MEOX2: variants seen among roughly 807,000 people sequenced by gnomAD.
MEOX2 encodes the protein homeobox protein MOX-2.
A neutral mutation model predicts 27.0 loss-of-function variants in MEOX2; 11 were observed. That is an observed-to-expected ratio of 0.41 (90% CI 0.26 to 0.68). The LOEUF (loss-of-function observed/expected upper bound fraction) is 0.68. Ranked by LOEUF, MEOX2 falls within the 30% of genes least tolerant of loss-of-function variation. The probability of loss-of-function intolerance (pLI) is 0.33; values close to 1 mark genes in which losing one functional copy is unlikely to be tolerated. For missense variants in MEOX2, 436 were observed against 385.4 expected (o/e 1.13, Z -1.10); for synonymous variants, 189 against 155.4 (o/e 1.22, Z -1.61).
intron 1 of MEOX2, among the ~76,000 whole-genome samples, chr7:15,630,755 G>T (rs186142209): frequency 6.6e-6 from 1 of 152,044 alleles, no homozygotes; most frequent in Non-Finnish European, 1.5e-5. Context: ...CATAGGGATT[G>T]TGGATGGAGT....
At chr7:15,639,230 G>A (rs374915337) in intron 1 of MEOX2, among the ~76,000 whole-genome samples, 1 of 152,048 alleles carries the variant, frequency 6.6e-6, no homozygotes, top group Admixed American at 6.6e-5. Context: ...GATGATTTGT[G>A]ATGTTGAGCA....
intron 1 of MEOX2, chr7:15,681,518 TC>T (rs1782291644): frequency 6.6e-6 from 1 of 151,764 alleles, no homozygotes; most frequent in Non-Finnish European, 1.5e-5. Flanking sequence ...GGAATTCACC[TC>T]CCAAATTTCT....
chr7:15,663,770 G>C (rs1231491947), intron 1 of MEOX2, among the ~76,000 whole-genome samples: 3 of 152,202 alleles, frequency 2.0e-5, no homozygotes, highest in Non-Finnish European at 4.4e-5. Flanking sequence ...CATTTAAAGA[G>C]AGAGATGGGC....
rs58017084 is a variant in MEOX2 at position 15,663,008 on chromosome 7, T to C, written c.517+22878A>G. Among the ~76,000 whole-genome samples, 1,228 of 152,184 alleles carry C rather than the reference T, an allele frequency of 8.1e-3. 25 individuals are homozygous for C. The highest frequency in any genetic ancestry group is 0.028 in the African/African-American group (1,152 of 41,516). The stretch of plus-strand genomic sequence containing the variant: ...ACCATTTTATCAAATAATTCAAGGA[T>C]GTAAGTAGCATGAAATATACTAACA... On this transcript the variant is annotated intron_variant, in intron 1 of 2. Coordinates refer to ENST00000262041, the MANE Select transcript of MEOX2 (RefSeq NM_005924.5).
At chr7:15,659,463 A>G (rs1399740226) in intron 1 of MEOX2, among the ~76,000 whole-genome samples, 1 of 152,244 alleles carries the variant, frequency 6.6e-6, no homozygotes, top group East Asian at 1.9e-4. Flanking sequence ...AATTTTAAGC[A>G]CTTGAAAGCA....
intron 1 of MEOX2, among the ~76,000 whole-genome samples, chr7:15,652,319 T>G (rs1011775904): frequency 1.3e-5 from 2 of 152,056 alleles, no homozygotes; most frequent in African/African-American, 4.8e-5. Flanking sequence ...TTTTGAATAC[T>G]CTCATTAAGT....
intron 1 of MEOX2, among the ~76,000 whole-genome samples, chr7:15,649,979 A>G (rs1013786854): frequency 6.6e-6 from 1 of 152,076 alleles, no homozygotes; most frequent in African/African-American, 2.4e-5. Flanking sequence ...CCACAAAGCA[A>G]TTTGGTCCAA....
intron 2 of MEOX2, among the ~76,000 whole-genome samples, chr7:15,620,536 G>A (rs1250817677): frequency 6.6e-6 from 1 of 151,998 alleles, no homozygotes; most frequent in Non-Finnish European, 1.5e-5. Context: ...TCAAGCCACT[G>A]CACTCCAGCC....
At chr7:15,672,647 C>G (rs1372342267) in intron 1 of MEOX2, among the ~76,000 whole-genome samples, 1 of 152,082 alleles carries the variant, frequency 6.6e-6, no homozygotes, top group Non-Finnish European at 1.5e-5. Flanking sequence ...AATCCCAACA[C>G]TTTGGGAGGC....
rs1455251011 is a variant in MEOX2, at chr7:15,644,492, G to C, written c.518-17574C>G. Among the ~76,000 whole-genome samples, 4 of 152,290 alleles carry C rather than the reference G, an allele frequency of 2.6e-5. No individual in the cohort carries two copies. The East Asian group carries it at 5.8e-4, about 22-fold the overall frequency. On this transcript the variant is annotated intron_variant, in intron 1 of 2. Coordinates refer to ENST00000262041, the MANE Select transcript of MEOX2 (RefSeq NM_005924.5). ...GCCTGAAACAGAGGAGGATGGAGAA[G>C]AACATAGACCCAAGAAAGTTCTCCA...
chr7:15,679,749 A>G (rs1217854992), intron 1 of MEOX2: 1 of 152,030 alleles, frequency 6.6e-6, no homozygotes, highest in Non-Finnish European at 1.5e-5. Flanking sequence ...TTAATGATCC[A>G]GTTTATTAAT....
In MEOX2 at chr7:15,673,658, C is replaced by T. The variant is rs191618355; in HGVS notation, c.517+12228G>A. Among the ~76,000 whole-genome samples the T allele has an allele frequency of 2.6e-3, 328 of 126,808 alleles. 1 individual carries two copies. Among genetic ancestry groups the T allele is most frequent in the Middle Eastern group, 5.5e-3 (1 of 182 alleles). The allele number at this position is 126,808 out of a possible 152,430, so 83.2% of individuals were successfully genotyped here. A position where few individuals can be genotyped will look rare whatever the true frequency, so the allele number is the denominator to read the frequency against. On this transcript the variant is annotated intron_variant, in intron 1 of 2. Transcript: ENST00000262041. Reference sequence around the variant, plus strand: ...AAAGCAAAACCAACATCAACAAAAACGGTCCTAGCTGGTCAATAAAGGTTG... The same window carrying T: ...AAAGCAAAACCAACATCAACAAAAATGGTCCTAGCTGGTCAATAAAGGTTG...
Position 15,686,517 on chromosome 7 carries a change from A to C in MEOX2, c.-115T>G, listed in dbSNP as rs1562620420. 3 of 916,252 alleles carry C rather than the reference A, an allele frequency of 3.3e-6. No individual in the cohort carries two copies. Among genetic ancestry groups the C allele is most frequent in the Non-Finnish European group, 4.9e-6 (3 of 614,378 alleles). The allele number at this position is 916,252 out of a possible 1,614,324, so 56.8% of individuals were successfully genotyped here. A position where few individuals can be genotyped will look rare whatever the true frequency, so the allele number is the denominator to read the frequency against. ...ATTTTTTTTTTAACCTCCCAAAGCA[A>C]TAGCGGTGCACTTCTGCAGAGCTCG... is the stretch of plus-strand genomic sequence containing the variant. On this transcript the variant is annotated 5_prime_UTR_variant, in exon 1 of 3. Transcript: ENST00000262041.
intron 1 of MEOX2, among the ~76,000 whole-genome samples, chr7:15,682,247 C>T (rs1348336880): frequency 6.6e-6 from 1 of 151,676 alleles, no homozygotes; most frequent in Non-Finnish European, 1.5e-5. Context: ...TCCAGTAACA[C>T]AGAAATGAAT....
rs117905414 is a variant in MEOX2, at chr7:15,680,625, G to C, written c.517+5261C>G. The C allele has an allele frequency of 3.9e-5, 6 of 151,954 alleles. No individual in the cohort carries two copies. In the East Asian group the frequency reaches 1.2e-3, roughly 29 times the overall value. 9.4% of individuals were successfully genotyped at this position (151,954 alleles called of 1,614,324 possible). A position where few individuals can be genotyped will look rare whatever the true frequency, so the allele number is the denominator to read the frequency against. On this transcript the variant is annotated intron_variant, in intron 1 of 2. Coordinates refer to ENST00000262041, the MANE Select transcript of MEOX2 (RefSeq NM_005924.5). ...GTTCAACACGCTAGTAAAAGAAATA[G>C]TCATGAGAGCATCCTAAGGAAAGTA...
At chr7:15,682,846 G>A (rs1782314619) in intron 1 of MEOX2, among the ~76,000 whole-genome samples, 1 of 151,906 alleles carries the variant, frequency 6.6e-6, no homozygotes, top group African/African-American at 2.4e-5. Context: ...TGAAGACGTG[G>A]CAGATGTTGG....
intron 1 of MEOX2, among the ~76,000 whole-genome samples, chr7:15,665,194 A>T (rs548992351): frequency 3.2e-4 from 48 of 152,286 alleles, no homozygotes; most frequent in Admixed American, 5.9e-4. Context: ...AATATCATCA[A>T]ATCTGTGAAT....
intron 1 of MEOX2, chr7:15,681,897 G>C (rs1782297191): frequency 6.6e-6 from 1 of 151,770 alleles, no homozygotes; most frequent in South Asian, 2.1e-4. Context: ...AATTTACACA[G>C]AATTGGAAAC....
intron 1 of MEOX2, among the ~76,000 whole-genome samples, chr7:15,640,203 G>A (rs1433321386): frequency 6.6e-6 from 1 of 151,360 alleles, no homozygotes; most frequent in Non-Finnish European, 1.5e-5. Context: ...TCCTTAGTTA[G>A]GTCTGTTCTA....
Sources: allele counts gnomAD v4.1 joint callset (sites outside exome capture counted in the v4.1 genomes callset), GRCh38; gene constraint gnomAD v4.1.1; transcripts MANE v1.5; gene names NCBI Gene and HGNC (gene_info 2026-07-23, HGNC 2026-07-21).